Variants in LINGO2 observed in about 807,000 individuals in gnomAD.
LINGO2 encodes leucine-rich repeat and immunoglobulin-like domain-containing nogo receptor-interacting protein 2.
A neutral mutation model predicts 30.6 loss-of-function variants in LINGO2; 14 were observed. The observed-to-expected ratio is 0.46, with a 90% CI of 0.30 to 0.72. LINGO2 has a LOEUF of 0.72. Ranked by LOEUF, LINGO2 falls within the 30% of genes least tolerant of loss-of-function variation. The pLI is 0.07. For synonymous variants in LINGO2, 317 were observed against 288.5 expected, an observed-to-expected ratio of 1.10 and a Z score of -1.00; for missense variants, 729 against 751.7, an observed-to-expected ratio of 0.97 and a Z score of 0.35.
chr9:28,414,256 C>G (rs1343098066), intron 2 of LINGO2, among the ~76,000 whole-genome samples: 1 of 151,976 alleles, frequency 6.6e-6, no homozygotes, highest in Non-Finnish European at 1.5e-5. Flanking sequence ...TTCCACAGTC[C>G]ATGAAGTTGT....
the LINGO2 span, among the ~76,000 whole-genome samples, chr9:29,056,644 T>G: frequency 2.3e-4 from 35 of 152,170 alleles, no homozygotes; most frequent in African/African-American, 6.8e-4. Context: ...TTTGGGTTCT[T>G]GGTCATGAAG....
chr9:28,387,864 C>A (rs577398763), intron 2 of LINGO2, among the ~76,000 whole-genome samples: 1 of 152,222 alleles, frequency 6.6e-6, no homozygotes, highest in East Asian at 1.9e-4. Flanking sequence ...GGAAGAAACT[C>A]CAGACACGTC....
intron 5 of LINGO2, among the ~76,000 whole-genome samples, chr9:27,998,598 G>A (rs988155710): frequency 1.3e-5 from 2 of 152,160 alleles, no homozygotes; most frequent in Non-Finnish European, 2.9e-5. Flanking sequence ...GGCCAACATT[G>A]TGAAACCCCG....
the LINGO2 span, among the ~76,000 whole-genome samples, chr9:29,168,820 T>A: frequency 2.1e-4 from 32 of 152,346 alleles, no homozygotes; most frequent in African/African-American, 7.7e-4. Flanking sequence ...CACAGGAAAC[T>A]TTAGTCTGCT....
chr9:28,214,970 G>T (rs1459184612), intron 4 of LINGO2, among the ~76,000 whole-genome samples: 22 of 151,642 alleles, frequency 1.5e-4, no homozygotes, highest in Non-Finnish European at 4.4e-5. Flanking sequence ...GACATGTTCT[G>T]TACATCCTTC....
intron 4 of LINGO2, among the ~76,000 whole-genome samples, chr9:28,068,363 T>G (rs1328611274): frequency 6.6e-6 from 1 of 152,126 alleles, no homozygotes; most frequent in Non-Finnish European, 1.5e-5. Flanking sequence ...CTTCTTTGTG[T>G]GCACATGGGG....
At chr9:28,441,513 G>A (rs1043692781) in intron 2 of LINGO2, among the ~76,000 whole-genome samples, 3 of 151,824 alleles carry the variant, frequency 2.0e-5, no homozygotes, top group Non-Finnish European at 4.4e-5. Flanking sequence ...AGATTCCTAG[G>A]AAATGTGACT....
chr9:28,043,985 T>C (rs932797071), intron 4 of LINGO2, among the ~76,000 whole-genome samples: 16 of 152,226 alleles, frequency 1.1e-4, no homozygotes, highest in African/African-American at 3.9e-4. Context: ...TTTTAATCTA[T>C]GTGTTTTCCC....
intron 1 of LINGO2, among the ~76,000 whole-genome samples, chr9:28,666,352 C>T (rs116383743): frequency 1.3e-5 from 2 of 152,092 alleles, no homozygotes; most frequent in African/African-American, 4.8e-5. Context: ...AATGTCAAGA[C>T]TTTCCTTTGA....
chr9:28,878,451 C>T, the LINGO2 span, among the ~76,000 whole-genome samples: 1 of 152,022 alleles, frequency 6.6e-6, no homozygotes, highest in Non-Finnish European at 1.5e-5. Context: ...CTATTCCAAT[C>T]AATAGAAAAA....
chr9:28,501,792 A>T (rs2135317977), intron 1 of LINGO2, among the ~76,000 whole-genome samples: 2 of 152,260 alleles, frequency 1.3e-5, no homozygotes, highest in South Asian at 4.1e-4. Context: ...ATCCAGATTT[A>T]TTGTCCATTT....
chr9:28,169,166 T>C (rs571315181), intron 4 of LINGO2, among the ~76,000 whole-genome samples: 4 of 152,338 alleles, frequency 2.6e-5, no homozygotes, highest in African/African-American at 9.6e-5. Context: ...ATTTTAATTT[T>C]TAATTTGTAT....
the LINGO2 span, among the ~76,000 whole-genome samples, chr9:28,770,003 G>A: frequency 6.6e-6 from 1 of 151,910 alleles, no homozygotes; most frequent in South Asian, 2.1e-4. Flanking sequence ...ACACACGGTG[G>A]CATACTTTCT....
At chr9:28,898,523 A>T in the LINGO2 span, among the ~76,000 whole-genome samples, 1 of 152,156 alleles carries the variant, frequency 6.6e-6, no homozygotes, top group Non-Finnish European at 1.5e-5. Flanking sequence ...CGTCAGCCAG[A>T]TTTTATTTTT....
At chr9:28,345,031 A>G (rs1281865369) in intron 3 of LINGO2, among the ~76,000 whole-genome samples, 2 of 152,076 alleles carry the variant, frequency 1.3e-5, no homozygotes, top group Admixed American at 6.6e-5. Context: ...AAAATCTGGC[A>G]TCATTCCCTT....
At chr9:28,182,474 T>C (rs1466434152) in intron 4 of LINGO2, among the ~76,000 whole-genome samples, 2 of 152,134 alleles carry the variant, frequency 1.3e-5, no homozygotes, top group African/African-American at 2.4e-5. Context: ...GGGATCTAAT[T>C]AAACTAAAGA....
chr9:28,648,383 T>G (rs2135961091), intron 1 of LINGO2, among the ~76,000 whole-genome samples: 1 of 152,262 alleles, frequency 6.6e-6, no homozygotes, highest in African/African-American at 2.4e-5. Context: ...CTCATTTCTC[T>G]AAGGATCGGT....
At chr9:28,365,287 G>A (rs1018850037) in intron 3 of LINGO2, among the ~76,000 whole-genome samples, 7 of 152,116 alleles carry the variant, frequency 4.6e-5, no homozygotes, top group Non-Finnish European at 1.0e-4. Flanking sequence ...GGAAGATCAG[G>A]ATAGGAGGTT....
chr9:28,632,880 G>A (rs10441714), intron 1 of LINGO2, among the ~76,000 whole-genome samples: 2,814 of 64,376 alleles, frequency 0.044, 186 homozygotes, highest in African/African-American at 0.16. Flanking sequence ...ATATATATAT[G>A]TAGAGAGAGA....
Sources: allele counts gnomAD v4.1 joint callset (sites outside exome capture counted in the v4.1 genomes callset), GRCh38; gene constraint gnomAD v4.1.1; transcripts MANE v1.5; gene names NCBI Gene and HGNC (gene_info 2026-07-23, HGNC 2026-07-21).